WBP2NL: variants seen among roughly 807,000 people sequenced by gnomAD.
WBP2NL encodes WBP2 N-terminal like.
In WBP2NL, 27 loss-of-function variants were observed where a neutral mutation model predicts 23.3. That is an observed-to-expected ratio of 1.16 (90% CI 0.85 to 1.60). The LOEUF is 1.60. Ranked by LOEUF, WBP2NL falls within the 40% of genes most tolerant of loss-of-function variation. The probability of loss-of-function intolerance (pLI) is 0.00; values close to 1 mark genes in which losing one functional copy is unlikely to be tolerated. For missense variants in WBP2NL, 370 were observed against 389.5 expected (o/e 0.95, Z 0.42); for synonymous variants, 151 against 145.9 (o/e 1.03, Z -0.25).
At chr22:42,025,189 G>C (rs540436797) in intron 5 of WBP2NL, among the ~76,000 whole-genome samples, 1 of 151,996 alleles carries the variant, frequency 6.6e-6, no homozygotes, top group African/African-American at 2.4e-5. Context: ...GTGAGAATTC[G>C]TTGCCAAATC....
Position 42,019,565 on chromosome 22 carries a change from A to T in WBP2NL, c.172-97A>T, listed in dbSNP as rs906270037. 5 of 1,551,376 alleles carry T rather than the reference A, an allele frequency of 3.2e-6. No homozygotes were observed. The African/African-American group carries it at 5.5e-5, about 17-fold the overall frequency. On this transcript the variant is annotated intron_variant, in intron 2 of 5. Transcript: ENST00000328823. ...CTGAAGGGTGGTGGAAGAAAAGATGATGTTTCTCAGTTAGACCAGAATGCA... is the reference window on the plus strand; with the variant it reads ...CTGAAGGGTGGTGGAAGAAAAGATGTTGTTTCTCAGTTAGACCAGAATGCA...
At chr22:42,055,999 C>A (rs573866572) in intron 8 of WBP2NL, among the ~76,000 whole-genome samples, 73 of 148,932 alleles carry the variant, frequency 4.9e-4, no homozygotes, top group Non-Finnish European at 8.4e-4. Flanking sequence ...TAAATGCATT[C>A]TGTCGATCTA....
chr22:42,014,345 T>C (rs1011445944), intron 1 of WBP2NL, among the ~76,000 whole-genome samples: 19 of 152,140 alleles, frequency 1.2e-4, no homozygotes, highest in African/African-American at 4.6e-4. Context: ...CCCACCTCAG[T>C]GTCTTGGATA....
intron 8 of WBP2NL, among the ~76,000 whole-genome samples, chr22:42,045,204 C>G (rs1240566351): frequency 1.3e-5 from 2 of 151,920 alleles, no homozygotes; most frequent in Non-Finnish European, 2.9e-5. Context: ...TTTGGGAGTC[C>G]GAGGCGGGCG....
downstream of WBP2NL, among the ~76,000 whole-genome samples, chr22:42,034,435 G>A (rs2146811430): frequency 1.3e-5 from 2 of 152,326 alleles, no homozygotes; most frequent in South Asian, 4.1e-4. Context: ...AAAGGGGAGG[G>A]AGTGTGCGAA....
downstream of WBP2NL, among the ~76,000 whole-genome samples, chr22:42,035,562 C>G (rs1274067772): frequency 6.6e-6 from 1 of 152,264 alleles, no homozygotes. Context: ...ATGGCAGCAG[C>G]TGCTCCAGAT....
intron 8 of WBP2NL, among the ~76,000 whole-genome samples, chr22:42,054,371 A>G (rs978681153): frequency 2.8e-5 from 4 of 140,962 alleles, no homozygotes; most frequent in African/African-American, 1.1e-4. Context: ...TTGTATTTTT[A>G]GTAGAGATAG....
At chr22:42,052,958 T>G (rs1925888526) in intron 8 of WBP2NL, among the ~76,000 whole-genome samples, 1 of 152,230 alleles carries the variant, frequency 6.6e-6, no homozygotes, top group African/African-American at 2.4e-5. Flanking sequence ...CTTCATTACC[T>G]AAAAAGAAAC....
chr22:42,019,460 ATTTGTT>A (rs1431364111), intron 2 of WBP2NL, 41 bp downstream of exon 2: 1 of 1,587,590 alleles, frequency 6.3e-7, no homozygotes, highest in South Asian at 1.1e-5. Context: ...TTAACTCTAC[ATTTGTT>A]TTCCTTGAAA....
chr22:42,001,570 A>C (rs1921687269), intron 1 of WBP2NL: 2 of 1,133,546 alleles, frequency 1.8e-6, no homozygotes, highest in Admixed American at 1.7e-5. Context: ...CAAAATCAAG[A>C]GGGTACACAA....
At chr22:42,040,660 A>C (rs999376151) in intron 8 of WBP2NL, among the ~76,000 whole-genome samples, 16 of 152,150 alleles carry the variant, frequency 1.1e-4, no homozygotes, top group Admixed American at 2.0e-4. Context: ...TTCTCTCTGG[A>C]TTTCCTCTTT....
intron 4 of WBP2NL, among the ~76,000 whole-genome samples, chr22:42,020,903 TATA>T (rs1923902492): frequency 3.4e-5 from 2 of 58,836 alleles, no homozygotes; most frequent in Non-Finnish European, 6.7e-5. Flanking sequence ...TATATATATA[TATA>T]TATTTTTTTT....
At chr22:42,017,630 C>T (rs929738702) in intron 1 of WBP2NL, among the ~76,000 whole-genome samples, 3 of 152,016 alleles carry the variant, frequency 2.0e-5, no homozygotes, top group Non-Finnish European at 4.4e-5. Flanking sequence ...TTTAGAGCAC[C>T]CACTGTTTGC....
At chr22:41,999,126 G>T (rs1921265206) in intron 1 of WBP2NL, among the ~76,000 whole-genome samples, 1 of 151,592 alleles carries the variant, frequency 6.6e-6, no homozygotes, top group Admixed American at 6.6e-5. Flanking sequence ...CCTTTTCAAG[G>T]CGCGGGGCCC....
At chr22:42,008,493 C>G (rs868612956) in intron 1 of WBP2NL, among the ~76,000 whole-genome samples, 1 of 152,072 alleles carries the variant, frequency 6.6e-6, no homozygotes, top group African/African-American at 2.4e-5. Context: ...AGGCATGAGC[C>G]ACCATGCCTG....
intron 3 of WBP2NL, 78 bp downstream of exon 3, chr22:42,019,881 T>C (rs1365878995): frequency 1.3e-6 from 2 of 1,599,670 alleles, no homozygotes; most frequent in African/African-American, 1.3e-5. Flanking sequence ...ACTTGGCTCA[T>C]GTTGAAATTC....
chr22:42,029,909 T>A (rs1359791544), downstream of WBP2NL: 1 of 152,244 alleles, frequency 6.6e-6, no homozygotes, highest in African/African-American at 2.4e-5. Flanking sequence ...TGGAGCTTTT[T>A]AAAAGTTTTA....
At chr22:42,030,951 CT>C (rs1355693968), downstream of WBP2NL, 1 of 152,208 alleles carries the variant, frequency 6.6e-6, no homozygotes, top group African/African-American at 2.4e-5. Context: ...CTCTTCTGCT[CT>C]TCATGTTAGT....
intron 1 of WBP2NL, among the ~76,000 whole-genome samples, chr22:42,007,611 A>C (rs1922373512): frequency 6.6e-6 from 1 of 152,154 alleles, no homozygotes; most frequent in Non-Finnish European, 1.5e-5. Context: ...TGTTTCTATG[A>C]ATTTGACTAC....
Sources: gnomAD v4.1 joint callset for allele counts (sites outside exome capture counted in the v4.1 genomes callset) on GRCh38, gnomAD v4.1.1 for gene constraint, MANE v1.5 for transcripts, NCBI Gene and HGNC (gene_info 2026-07-23, HGNC 2026-07-21) for gene names.